Variants in RASGRF1 observed in about 807,000 individuals in gnomAD.
The protein encoded by RASGRF1 is Ras protein specific guanine nucleotide releasing factor 1, also known as ras-specific guanine nucleotide-releasing factor 1.
Under a neutral mutation model 138.7 loss-of-function variants are expected in RASGRF1, and 40 were observed. The observed-to-expected ratio is 0.29, with a 90% CI of 0.22 to 0.38. The LOEUF (loss-of-function observed/expected upper bound fraction) is 0.38. Among genes scored for constraint, RASGRF1 ranks in the 10% least tolerant of loss-of-function variants. The pLI is 1.00. For synonymous variants in RASGRF1, 614 were observed against 663.2 expected, an observed-to-expected ratio of 0.93 and a Z score of 1.14; for missense variants, 1,108 against 1,650.4, an observed-to-expected ratio of 0.67 and a Z score of 5.69.
chr15:79,085,890 T>A (rs1168929379), intron 1 of RASGRF1, among the ~76,000 whole-genome samples: 1 of 152,226 alleles, frequency 6.6e-6, no homozygotes, highest in Non-Finnish European at 1.5e-5. Flanking sequence ...CAATGTGGAA[T>A]TTTAGTTCAG....
At chr15:79,017,587 C>T (rs1373870847) in intron 12 of RASGRF1, among the ~76,000 whole-genome samples, 183 bp downstream of exon 12, 3 of 152,152 alleles carry the variant, frequency 2.0e-5, no homozygotes, top group African/African-American at 2.4e-5. Flanking sequence ...GGACTACAAA[C>T]GGGATGGACT....
chr15:79,072,764 A>G (rs974514412), intron 1 of RASGRF1, among the ~76,000 whole-genome samples: 1 of 152,178 alleles, frequency 6.6e-6, no homozygotes, highest in African/African-American at 2.4e-5. Flanking sequence ...GGCCAGAGAC[A>G]GATCCCTCCA....
intron 11 of RASGRF1, 21 bp from the exon 12 acceptor site, chr15:79,017,927 A>C: frequency 6.2e-7 from 1 of 1,611,810 alleles, no homozygotes; most frequent in South Asian, 1.1e-5. Flanking sequence ...TAAAACATAA[A>C]GTTAGCAGCA....
At chr15:78,995,711 T>C (rs1269823763) in intron 20 of RASGRF1, 29 bp downstream of exon 20, 1 of 1,613,830 alleles carries the variant, frequency 6.2e-7, no homozygotes, top group Non-Finnish European at 8.5e-7. Flanking sequence ...AGGAAAGCCT[T>C]GGAAAGCAAG....
chr15:79,050,316 C>T lies in RASGRF1; in HGVS notation c.532-728G>A, dbSNP rs141186640. Among the ~76,000 whole-genome samples, 123 of 152,320 alleles carry T rather than the reference C, an allele frequency of 8.1e-4. No individual in the cohort carries two copies. Among genetic ancestry groups the T allele is most frequent in the African/African-American group, 2.7e-3 (114 of 41,582 alleles). On this transcript the variant is annotated intron_variant, in intron 3 of 26. Transcript: ENST00000558480. The surrounding 1 kb of genome is among the most constrained non-coding windows in gnomAD (Gnocchi z 4.1). ...TCCTCAAGTTTCTTCCATGTTGCAG[C>T]GTGGGTCAATTTCCTTCCCTTTCAA...
chr15:78,993,960 C>T (rs1048268761), intron 20 of RASGRF1, among the ~76,000 whole-genome samples: 5 of 152,160 alleles, frequency 3.3e-5, no homozygotes, highest in African/African-American at 9.7e-5. Context: ...CTAGTGAGGC[C>T]GCGGGGCCCT....
intron 1 of RASGRF1, among the ~76,000 whole-genome samples, chr15:79,066,474 A>C (rs1364882972): frequency 6.6e-6 from 1 of 152,270 alleles, no homozygotes; most frequent in Non-Finnish European, 1.5e-5. Flanking sequence ...ATACAGGCAC[A>C]GTGGAGTTGC....
At chr15:79,080,150 T>C (rs2057895977) in intron 1 of RASGRF1, among the ~76,000 whole-genome samples, 1 of 152,226 alleles carries the variant, frequency 6.6e-6, no homozygotes, top group Non-Finnish European at 1.5e-5. Context: ...ACTAGCCTGT[T>C]TCCCTCCTTG....
chr15:79,000,934 G>A (rs1462330057), intron 16 of RASGRF1, among the ~76,000 whole-genome samples: 1 of 152,208 alleles, frequency 6.6e-6, no homozygotes, highest in Non-Finnish European at 1.5e-5. Flanking sequence ...CCCTTTGCAT[G>A]TGAGAGCAGG....
chr15:78,972,035 G>T, intron 25 of RASGRF1, 101 bp from the exon 26 acceptor site: 1 of 1,013,328 alleles, frequency 9.9e-7, no homozygotes, highest in Non-Finnish European at 1.6e-6. Flanking sequence ...TCTGAAGTCA[G>T]CCTCTTAATT....
At chr15:79,045,994 T>C (rs2057349878) in intron 5 of RASGRF1, among the ~76,000 whole-genome samples, 1 of 152,222 alleles carries the variant, frequency 6.6e-6, no homozygotes, top group Non-Finnish European at 1.5e-5. Context: ...TTATCTAGTT[T>C]ATACAATTTT....
At chr15:79,009,629 C>T (rs1276371391) in intron 13 of RASGRF1, among the ~76,000 whole-genome samples, 5 of 152,210 alleles carry the variant, frequency 3.3e-5, no homozygotes, top group African/African-American at 9.6e-5. Context: ...AGAAAAGCCC[C>T]TGCATTCTCT....
rs1277441901 is a variant in RASGRF1, at chr15:78,980,548, C to T, written c.3494+72G>A. ...AAAGACCTCCTGCTCTGGCTGGGGG[C>T]GGCACGTGAATGCCTCTGCAATGCA... On this transcript the variant is annotated intron_variant, in intron 24 of 26. Transcript: ENST00000558480. 2.0e-5 allele frequency: 25 copies of T among 1,227,886 alleles called. No homozygotes were observed. In the East Asian group the frequency reaches 2.2e-4, roughly 11 times the overall value. 76.1% of individuals were successfully genotyped at this position (1,227,886 alleles called of 1,614,324 possible). A position where few individuals can be genotyped will look rare whatever the true frequency, so the allele number is the denominator to read the frequency against.
Position 79,054,342 on chromosome 15 carries a change from G to T in RASGRF1, c.531+3992C>A, listed in dbSNP as rs550691445. 9.2e-5 allele frequency among the ~76,000 whole-genome samples: 14 copies of T among 152,344 alleles called. No homozygotes were observed. In the South Asian group the frequency reaches 2.7e-3, roughly 29 times the overall value. On this transcript the variant is annotated intron_variant, in intron 3 of 26. Coordinates refer to ENST00000558480, the MANE Select transcript of RASGRF1 (RefSeq NM_001145648.3). ...AGAGGTGTTTTCTATTCATTTTTGA[G>T]CTGTTTTCTGTTTTAATAGTGGAGT...
In RASGRF1 at chr15:79,050,439, T is replaced by G. The variant is rs576511303; in HGVS notation, c.532-851A>C. ...TAATCCCTTTATTTTTCAAACAAAA[T>G]TGTATCTGGATATAAATCAGATAGA... is the stretch of plus-strand genomic sequence containing the variant. On this transcript the variant is annotated intron_variant, in intron 3 of 26. Coordinates refer to ENST00000558480, the MANE Select transcript of RASGRF1 (RefSeq NM_001145648.3). The surrounding 1 kb of genome is among the most constrained non-coding windows in gnomAD (Gnocchi z 4.1). Among the ~76,000 whole-genome samples the G allele has an allele frequency of 4.6e-5, 7 of 152,324 alleles. No individual in the cohort carries two copies. The highest frequency in any genetic ancestry group is 1.4e-4 in the African/African-American group (6 of 41,568).
At chr15:79,086,821 T>G (rs1216798102) in intron 1 of RASGRF1, among the ~76,000 whole-genome samples, 1 of 152,170 alleles carries the variant, frequency 6.6e-6, no homozygotes, top group Non-Finnish European at 1.5e-5. Context: ...AAGTCGGGGT[T>G]GGGGGACTCC....
At chr15:78,996,840 G>A (rs931689145) in intron 19 of RASGRF1, among the ~76,000 whole-genome samples, 3 of 152,220 alleles carry the variant, frequency 2.0e-5, no homozygotes, top group Non-Finnish European at 4.4e-5. Flanking sequence ...GGAAGAATGG[G>A]CCCCAGCATG....
intron 2 of RASGRF1, among the ~76,000 whole-genome samples, chr15:79,062,316 C>A (rs1336356648): frequency 1.3e-5 from 2 of 152,214 alleles, no homozygotes; most frequent in African/African-American, 4.8e-5. Flanking sequence ...ATCGCTCCCC[C>A]TGCATCTGGG....
At chr15:79,004,759 G>C (rs2056633436) in intron 14 of RASGRF1, 1 of 985,674 alleles carries the variant, frequency 1.0e-6, no homozygotes, top group African/African-American at 1.7e-5. Context: ...GCTGGAAACA[G>C]GTTATACATC....
Sources: gnomAD v4.1 joint callset for allele counts (sites outside exome capture counted in the v4.1 genomes callset) on GRCh38, gnomAD v4.1.1 for gene constraint, Gnocchi (gnomAD v3.1) non-coding constraint, MANE v1.5 for transcripts, NCBI Gene and HGNC (gene_info 2026-07-23, HGNC 2026-07-21) for gene names.